AP1AR: variants seen among roughly 807,000 people sequenced by gnomAD.
AP1AR encodes the protein AP-1 complex-associated regulatory protein.
In AP1AR, 29 loss-of-function variants were observed where a neutral mutation model predicts 46.3. The ratio of observed to expected loss-of-function variants is 0.63; its 90% CI spans 0.47 to 0.85. The LOEUF (loss-of-function observed/expected upper bound fraction) is 0.85, where lower values mean the gene tolerates loss of function less well. AP1AR is among the 40% of genes least tolerant of loss of function. The pLI is 0.00. For synonymous variants in AP1AR, 122 were observed against 122.9 expected, an observed-to-expected ratio of 0.99 and a Z score of 0.05; for missense variants, 357 against 356.3, an observed-to-expected ratio of 1.00 and a Z score of -0.02.
Position 112,267,992 on chromosome 4 carries a change from C to T in AP1AR, c.644-152C>T, listed in dbSNP as rs1726777019. 7.6e-6 allele frequency: 5 copies of T among 659,758 alleles called. No individual in the cohort carries two copies. In the South Asian group the frequency reaches 2.0e-4, roughly 26 times the overall value. The allele number at this position is 659,758 out of a possible 1,614,324, so 40.9% of individuals were successfully genotyped here. Reference sequence around the variant, plus strand: ...TTCAGGGTTAGAACCCAACAATTTCCCTTAAGAAGGCCTCCATGGGACTGG... The same window carrying T: ...TTCAGGGTTAGAACCCAACAATTTCTCTTAAGAAGGCCTCCATGGGACTGG... On this transcript the variant is annotated intron_variant, in intron 9 of 9. Coordinates refer to ENST00000274000, the MANE Select transcript of AP1AR (RefSeq NM_018569.6).
rs1726520235 is a variant in AP1AR at position 112,263,004 on chromosome 4, A to G, written c.299A>G (p.Glu100Gly). 1 of 1,613,608 alleles carries G rather than the reference A, an allele frequency of 6.2e-7. No homozygotes were observed. Among genetic ancestry groups the G allele is most frequent in the Non-Finnish European group, 8.5e-7 (1 of 1,179,768 alleles). The change falls in exon 6 of 10, where the codon GAG becomes GGG. Residue 100 changes from glutamate to glycine, a missense_variant. Glu to Gly is a moderately conservative substitution (Grantham distance 98). This residue lies in a region of AP1AR where 269 missense variants were observed against 223.6 expected (regional missense o/e 1.20). Coordinates refer to ENST00000274000, the MANE Select transcript of AP1AR (RefSeq NM_018569.6). ...CATGTACAGTTAGCCTTACAAGAAG[A>G]GAAGTTAAGACTAGAAGAAGAAGCT... ...KIQKELALQEEKLRLEEEALY... is the reference protein window; with the variant it reads ...KIQKELALQEGKLRLEEEALY...
In AP1AR at chr4:112,271,187, A is replaced by G. The variant is rs1294276220; in HGVS notation, c.*2778A>G. 1.3e-5 allele frequency among the ~76,000 whole-genome samples: 2 copies of G among 152,222 alleles called. No individual in the cohort carries two copies. The highest frequency in any genetic ancestry group is 2.9e-5 in the Non-Finnish European group (2 of 68,034). On this transcript the variant is annotated 3_prime_UTR_variant, in exon 10 of 10. Transcript: ENST00000274000. The stretch of plus-strand genomic sequence containing the variant: ...CACAGTCTGACACAGGTCTTGGTAG[A>G]AAACATCGTGATCCTCTCTGGATCC...
In AP1AR at chr4:112,267,103, T is replaced by C. The variant is rs147508089; in HGVS notation, c.643+387T>C. On this transcript the variant is annotated intron_variant, in intron 9 of 9. Transcript: ENST00000274000. ...ATACAGATCTACAAAGTTATATTAG[T>C]ATCTAGCTCATATTTTTTTCTTATC... Among the ~76,000 whole-genome samples the C allele has an allele frequency of 3.2e-3, 492 of 151,988 alleles. 4 individuals carry two copies. Among genetic ancestry groups the C allele is most frequent in the African/African-American group, 0.011 (472 of 41,524 alleles).
chr4:112,245,149 C>A (rs371073890), intron 1 of AP1AR, among the ~76,000 whole-genome samples: 3 of 151,900 alleles, frequency 2.0e-5, no homozygotes, highest in East Asian at 3.8e-4. Context: ...TAAATGTCAC[C>A]AGATTTATAT....
chr4:112,269,249 T>G lies in AP1AR; in HGVS notation c.*840T>G, dbSNP rs1367296827. 8 of 152,446 alleles carry G rather than the reference T, an allele frequency of 5.2e-5. No homozygotes were observed. In the East Asian group the frequency reaches 1.5e-3, roughly 29 times the overall value. 9.4% of individuals were successfully genotyped at this position (152,446 alleles called of 1,614,324 possible). The stretch of plus-strand genomic sequence containing the variant: ...GTTAGATTTTACACAGAACATATTC[T>G]CTGCATGATTTCAGAAAAGAAAATC... On this transcript the variant is annotated 3_prime_UTR_variant, in exon 10 of 10. Transcript: ENST00000274000.
intron 2 of AP1AR, 102 bp downstream of exon 2, chr4:112,253,358 A>G: frequency 3.7e-6 from 3 of 813,120 alleles, no homozygotes; most frequent in East Asian, 2.5e-5. Flanking sequence ...TTTAGAATGG[A>G]CTGTTTATAT....
intron 6 of AP1AR, 108 bp from the exon 7 acceptor site, chr4:112,264,901 T>C: frequency 1.2e-6 from 1 of 813,422 alleles, no homozygotes; most frequent in Non-Finnish European, 1.9e-6. Context: ...CAAAATAACT[T>C]TTTTTTTTAG....
intron 5 of AP1AR, 128 bp from the exon 6 acceptor site, chr4:112,262,860 T>TA (rs1346845517): frequency 1.5e-6 from 1 of 664,638 alleles, no homozygotes; most frequent in Non-Finnish European, 2.6e-6. Flanking sequence ...TCAATTCTGT[T>TA]ATGCTTTGTA....
chr4:112,257,703 T>C, intron 3 of AP1AR, 69 bp from the exon 4 acceptor site: 1 of 1,233,550 alleles, frequency 8.1e-7, no homozygotes, highest in Non-Finnish European at 1.1e-6. Context: ...AAATAAAAAT[T>C]GTATTGGTTA....
At chr4:112,262,681 G>A (rs1021944061) in intron 5 of AP1AR, among the ~76,000 whole-genome samples, 11 of 152,178 alleles carry the variant, frequency 7.2e-5, no homozygotes, top group African/African-American at 2.4e-4. Context: ...GATAGGTGTT[G>A]GAATGATTGT....
intron 9 of AP1AR, among the ~76,000 whole-genome samples, chr4:112,267,725 A>G (rs927118582): frequency 9.2e-5 from 14 of 152,012 alleles, no homozygotes; most frequent in Non-Finnish European, 1.8e-4. Flanking sequence ...GGAACCTAGT[A>G]AATGCTGGAA....
intron 1 of AP1AR, among the ~76,000 whole-genome samples, chr4:112,237,912 A>G (rs1425883420): frequency 2.6e-5 from 4 of 152,142 alleles, no homozygotes; most frequent in Admixed American, 2.0e-4. Flanking sequence ...TTTTTGCTCT[A>G]TATCAAGGGT....
chr4:112,236,465 A>G (rs1353003974), intron 1 of AP1AR, among the ~76,000 whole-genome samples: 4 of 150,698 alleles, frequency 2.7e-5, no homozygotes, highest in East Asian at 1.9e-4. Context: ...CACTGGCACA[A>G]TCCTGGCTCA....
intron 4 of AP1AR, among the ~76,000 whole-genome samples, chr4:112,258,907 A>G (rs909476737): frequency 6.6e-6 from 1 of 152,230 alleles, no homozygotes; most frequent in African/African-American, 2.4e-5. Context: ...GTAGGAGATA[A>G]TACCTATAAA....
At chr4:112,243,469 T>C (rs1725592830) in intron 1 of AP1AR, among the ~76,000 whole-genome samples, 1 of 152,238 alleles carries the variant, frequency 6.6e-6, no homozygotes, top group Non-Finnish European at 1.5e-5. Context: ...GTCCATCTTA[T>C]TCTTGCTTAG....
At chr4:112,238,482 A>G (rs1267901699) in intron 1 of AP1AR, among the ~76,000 whole-genome samples, 2 of 152,152 alleles carry the variant, frequency 1.3e-5, no homozygotes, top group African/African-American at 4.8e-5. Flanking sequence ...ATAGAAATCA[A>G]TAGTGTCAGC....
chr4:112,262,882 T>C, intron 5 of AP1AR, 106 bp from the exon 6 acceptor site: 1 of 751,936 alleles, frequency 1.3e-6, no homozygotes, highest in East Asian at 2.7e-5. Flanking sequence ...AGATCAATTA[T>C]TTTTTAATAA....
At chr4:112,236,865 A>T (rs544527975) in intron 1 of AP1AR, among the ~76,000 whole-genome samples, 1 of 152,366 alleles carries the variant, frequency 6.6e-6, no homozygotes, top group South Asian at 2.1e-4. Context: ...TCAGTGAGAA[A>T]AACATTAAAA....
chr4:112,253,239 G>C lies in AP1AR; in HGVS notation c.115G>C (p.Glu39Gln). The C allele has an allele frequency of 6.2e-7, 1 of 1,611,184 alleles. No homozygotes were observed. Among genetic ancestry groups the C allele is most frequent in the Non-Finnish European group, 8.5e-7 (1 of 1,179,020 alleles). Residue 39 changes from glutamate (E) to glutamine (Q), a missense_variant, in exon 2 of 10, where the codon GAG becomes CAG. Around this residue, in one of 2 missense-constraint regions of AP1AR, gnomAD observed 269 missense variants for 223.6 expected, o/e 1.20. Coordinates refer to ENST00000274000, the MANE Select transcript of AP1AR (RefSeq NM_018569.6). ...SKYFRTCSRG[E>Q]HLTIEFENLV... ...GTATTTTAGAACATGCTCAAGAGGTGAGCACTTAACAATAGAGGTAAGTAG... is the reference window on the plus strand; with the variant it reads ...GTATTTTAGAACATGCTCAAGAGGTCAGCACTTAACAATAGAGGTAAGTAG...
Sources: allele counts gnomAD v4.1 joint callset (sites outside exome capture counted in the v4.1 genomes callset), GRCh38; gene constraint gnomAD v4.1.1; regional missense constraint gnomAD v4.1.1; transcripts MANE v1.5; gene names NCBI Gene and HGNC (gene_info 2026-07-23, HGNC 2026-07-21).